Variants in INPP4B observed in about 807,000 individuals in gnomAD.
The protein encoded by INPP4B is inositol polyphosphate 4-phosphatase type II.
INPP4B carries 55 observed loss-of-function variants against 122.5 expected under a neutral mutation model. The ratio of observed to expected loss-of-function variants is 0.45; its 90% CI spans 0.36 to 0.56. INPP4B has a LOEUF of 0.56. Ranked by LOEUF, INPP4B falls within the 20% of genes least tolerant of loss-of-function variation. INPP4B has a pLI of 0.00. For synonymous variants in INPP4B, 403 were observed against 388.7 expected (o/e 1.04, Z -0.43); for missense variants, 1,000 against 1,097.7 (o/e 0.91, Z 1.26).
intron 25 of INPP4B, among the ~76,000 whole-genome samples, chr4:142,057,192 G>A (rs994339675): frequency 6.6e-5 from 10 of 152,056 alleles, no homozygotes; most frequent in African/African-American, 2.4e-4. Context: ...ATTAGGAAAT[G>A]TAGTAGCACA....
At chr4:142,153,251 G>C (rs939813934) in intron 17 of INPP4B, among the ~76,000 whole-genome samples, 1 of 152,144 alleles carries the variant, frequency 6.6e-6, no homozygotes, top group Non-Finnish European at 1.5e-5. Flanking sequence ...AGTGTGTTGT[G>C]CACAACCATT....
At chr4:142,588,830 C>T (rs1272371947) in intron 2 of INPP4B, among the ~76,000 whole-genome samples, 1 of 151,692 alleles carries the variant, frequency 6.6e-6, no homozygotes, top group Non-Finnish European at 1.5e-5. Flanking sequence ...TAGATATCAG[C>T]AACAGCAACC....
intron 2 of INPP4B, among the ~76,000 whole-genome samples, chr4:142,638,004 G>A (rs1468374756): frequency 1.3e-5 from 2 of 152,244 alleles, no homozygotes; most frequent in Middle Eastern, 3.4e-3. Flanking sequence ...CTTTCTTGAA[G>A]TATATTTTTA....
intron 3 of INPP4B, among the ~76,000 whole-genome samples, chr4:142,452,835 A>C (rs1274230691): frequency 2.0e-5 from 3 of 152,182 alleles, no homozygotes; most frequent in Admixed American, 2.0e-4. Context: ...GATTTTGCCT[A>C]CTTAACAAAA....
At chr4:142,041,356 G>A (rs1747351055) in intron 25 of INPP4B, among the ~76,000 whole-genome samples, 1 of 152,062 alleles carries the variant, frequency 6.6e-6, no homozygotes, top group Non-Finnish European at 1.5e-5. Context: ...GGTGGCTTAT[G>A]CCTGTAATCC....
intron 3 of INPP4B, among the ~76,000 whole-genome samples, chr4:142,457,021 C>T (rs760538310): frequency 6.6e-6 from 1 of 151,862 alleles, no homozygotes; most frequent in Non-Finnish European, 1.5e-5. Context: ...TATTTTTTTA[C>T]AGATTCAAAG....
intron 2 of INPP4B, among the ~76,000 whole-genome samples, chr4:142,589,174 A>G (rs535012831): frequency 3.5e-4 from 53 of 152,144 alleles, no homozygotes; most frequent in Non-Finnish European, 7.2e-4. Flanking sequence ...AGGCTTCCAT[A>G]ACAAAAAGAA....
chr4:142,122,913 T>C (rs1304264912), intron 20 of INPP4B, among the ~76,000 whole-genome samples: 1 of 152,124 alleles, frequency 6.6e-6, no homozygotes, highest in Non-Finnish European at 1.5e-5. Flanking sequence ...CTAGTACTTA[T>C]TGATTTGGAC....
At chr4:142,290,195 C>CTTTTTTTTTTTT (rs35260066) in intron 9 of INPP4B, among the ~76,000 whole-genome samples, 1 of 77,482 alleles carries the variant, frequency 1.3e-5, no homozygotes, top group Non-Finnish European at 2.3e-5. Flanking sequence ...TTCTTTCTTC[C>CTTTTTTTTTTTT]TTTTTTTTTT....
chr4:142,812,465 A>C (rs1779629961), intron 1 of INPP4B, among the ~76,000 whole-genome samples: 1 of 152,212 alleles, frequency 6.6e-6, no homozygotes, highest in Non-Finnish European at 1.5e-5. Flanking sequence ...GCATTTTAAT[A>C]AATATAGCTG....
At chr4:142,737,012 A>G (rs1767028175) in intron 1 of INPP4B, among the ~76,000 whole-genome samples, 1 of 152,194 alleles carries the variant, frequency 6.6e-6, no homozygotes, top group African/African-American at 2.4e-5. Context: ...GGAAGAATCA[A>G]TATCATGAAA....
At chr4:142,602,451 A>G (rs184529540) in intron 2 of INPP4B, among the ~76,000 whole-genome samples, 6 of 152,320 alleles carry the variant, frequency 3.9e-5, no homozygotes, top group Admixed American at 3.9e-4. Context: ...TACCATTGAC[A>G]TTCTTCCGAG....
At chr4:142,290,194 C>CTTTT in intron 9 of INPP4B, among the ~76,000 whole-genome samples, 1 of 117,350 alleles carries the variant, frequency 8.5e-6, no homozygotes, top group African/African-American at 4.1e-5. Context: ...TTTCTTTCTT[C>CTTTT]CTTTTTTTTT....
At chr4:142,820,725 G>A (rs562674754) in intron 1 of INPP4B, among the ~76,000 whole-genome samples, 8 of 152,114 alleles carry the variant, frequency 5.3e-5, no homozygotes, top group South Asian at 4.2e-4. Context: ...AAGCTGTGAC[G>A]GTGTTGAGAA....
intron 2 of INPP4B, among the ~76,000 whole-genome samples, chr4:142,624,739 A>G (rs545187768): frequency 1.3e-5 from 2 of 152,320 alleles, no homozygotes; most frequent in Non-Finnish European, 2.9e-5. Context: ...TCAATAAAAT[A>G]CTGGCAAACT....
chr4:142,159,786 C>T (rs1429549357), intron 17 of INPP4B, among the ~76,000 whole-genome samples: 2 of 151,876 alleles, frequency 1.3e-5, no homozygotes, highest in African/African-American at 4.8e-5. Flanking sequence ...TATTTATTTC[C>T]TTTGTTTATT....
chr4:142,189,338 A>G (rs1002313613), intron 15 of INPP4B, among the ~76,000 whole-genome samples: 3 of 152,210 alleles, frequency 2.0e-5, no homozygotes, highest in African/African-American at 7.2e-5. Context: ...TTAAGTCAGC[A>G]ACTATATCTG....
At chr4:142,125,292 T>C (rs1798185028) in intron 18 of INPP4B, among the ~76,000 whole-genome samples, 1 of 152,024 alleles carries the variant, frequency 6.6e-6, no homozygotes, top group African/African-American at 2.4e-5. Flanking sequence ...CTCAACAGTG[T>C]TGCCAGAAAC....
rs577741894 is a variant in INPP4B at position 142,835,405 on chromosome 4, G to T, written c.-254+10804C>A. Among the ~76,000 whole-genome samples, 63 of 152,188 alleles carry T rather than the reference G, an allele frequency of 4.1e-4. No homozygotes were observed. In the South Asian group the frequency reaches 0.013, roughly 31 times the overall value. On this transcript the variant is annotated intron_variant, in intron 1 of 25. Transcript: ENST00000262992. ...TAAGTAAATTTGTTCGTATACCAAG[G>T]TCACAGAAAGAGAACTATAGTATAT...
Sources: allele counts gnomAD v4.1 joint callset (sites outside exome capture counted in the v4.1 genomes callset), GRCh38; gene constraint gnomAD v4.1.1; transcripts MANE v1.5; gene names NCBI Gene and HGNC (gene_info 2026-07-23, HGNC 2026-07-21).